Variants in CCDC57 observed in about 807,000 individuals in gnomAD.
The protein encoded by CCDC57 is coiled-coil domain-containing protein 57.
A neutral mutation model predicts 118.9 loss-of-function variants in CCDC57; 118 were observed. The observed-to-expected ratio is 0.99, with a 90% CI of 0.86 to 1.16. The LOEUF is 1.16. Ranked by LOEUF, CCDC57 falls within the 50% of genes most tolerant of loss-of-function variation. The pLI is 0.00. For missense variants in CCDC57, 1,300 were observed against 1,320.7 expected (o/e 0.98, Z 0.24); for synonymous variants, 527 against 532.9 (o/e 0.99, Z 0.15).
intron 1 of CCDC57, among the ~76,000 whole-genome samples, chr17:82,211,512 C>T (rs2050178833): frequency 6.6e-6 from 1 of 151,808 alleles, no homozygotes; most frequent in Non-Finnish European, 1.5e-5. Context: ...CACGGGAAAT[C>T]TGTGCTCCTT....
chr17:82,103,501 C>T (rs1241119882), intron 19 of CCDC57, among the ~76,000 whole-genome samples: 1 of 152,210 alleles, frequency 6.6e-6, no homozygotes, highest in Non-Finnish European at 1.5e-5. Flanking sequence ...CACTGGCTGG[C>T]AGAGGGTGGG....
intron 19 of CCDC57, chr17:82,126,867 C>A: frequency 1.0e-6 from 1 of 985,364 alleles, no homozygotes; most frequent in Non-Finnish European, 1.2e-6. Flanking sequence ...TGAGGCACAC[C>A]CTCATGACGG....
intron 7 of CCDC57, among the ~76,000 whole-genome samples, chr17:82,193,028 G>A (rs1432680748): frequency 1.3e-5 from 2 of 152,016 alleles, no homozygotes; most frequent in African/African-American, 2.4e-5. Flanking sequence ...CTGAGCCACC[G>A]CGCCCAGCCA....
chr17:82,112,268 C>T (rs2035322119), intron 19 of CCDC57: 2 of 152,372 alleles, frequency 1.3e-5, no homozygotes, highest in African/African-American at 4.8e-5. Context: ...GCCGCCATGC[C>T]AGGCCTTGGA....
intron 8 of CCDC57, 115 bp from the exon 8 acceptor site, chr17:82,184,047 A>C: frequency 1.8e-6 from 1 of 549,038 alleles, no homozygotes; most frequent in Non-Finnish European, 3.2e-6. Flanking sequence ...ACACACACAC[A>C]CACACACACA....
At chr17:82,147,621 TTG>T (rs2040956664) in intron 16 of CCDC57, among the ~76,000 whole-genome samples, 1 of 60,720 alleles carries the variant, frequency 1.6e-5, no homozygotes, top group African/African-American at 6.5e-5. Flanking sequence ...GGATGGATGA[TTG>T]GGCGGGTGGG....
chr17:82,184,582 T>C (rs2046706558), intron 8 of CCDC57, among the ~76,000 whole-genome samples: 1 of 152,262 alleles, frequency 6.6e-6, no homozygotes, highest in Admixed American at 6.5e-5. Flanking sequence ...GGCGTAGCCC[T>C]GTTTCCCTAA....
At chr17:82,101,598 C>G in exon 20 of CCDC57, 1 of 1,174,022 alleles carries the variant, frequency 8.5e-7, no homozygotes, top group Non-Finnish European at 1.2e-6. Context: ...TGTGCCCACA[C>G]CCCCCCACAA....
Position 82,171,688 on chromosome 17 carries a change from G to A in CCDC57, c.1882+13C>T. The A allele has an allele frequency of 6.2e-7, 1 of 1,607,152 alleles. No homozygotes were observed. On this transcript the variant is annotated intron_variant, in intron 13 of 19. Transcript: ENST00000665763. ...AAGGGGACAGCAAGTACCCCACTGA[G>A]ACGCGGACTTACCAGTCGTCTCTGT... is the stretch of plus-strand genomic sequence containing the variant.
chr17:82,151,426 A>G, intron 16 of CCDC57, 134 bp downstream of exon 15: 1 of 297,414 alleles, frequency 3.4e-6, no homozygotes, highest in Non-Finnish European at 4.4e-6. Context: ...CACCCCCAGA[A>G]TCTGACCCAC....
chr17:82,176,460 G>A (rs1353215522), intron 11 of CCDC57, among the ~76,000 whole-genome samples: 4 of 152,182 alleles, frequency 2.6e-5, no homozygotes, highest in Admixed American at 2.0e-4. Context: ...TCACAGCTAC[G>A]CTTGATGCAC....
At chr17:82,203,320 CAGG>C (rs760269843) in intron 2 of CCDC57, among the ~76,000 whole-genome samples, 15 of 152,164 alleles carry the variant, frequency 9.9e-5, no homozygotes, top group Non-Finnish European at 1.8e-4. Flanking sequence ...CCTGTACAGC[CAGG>C]AGAACCGTGA....
chr17:82,184,041 A>C (rs1478339938), intron 8 of CCDC57, 109 bp from the exon 8 acceptor site: 2 of 474,384 alleles, frequency 4.2e-6, no homozygotes, highest in Non-Finnish European at 7.6e-6. Context: ...GCACACACAC[A>C]CACACACACA....
intron 14 of CCDC57, among the ~76,000 whole-genome samples, chr17:82,159,781 C>T (rs2043104356): frequency 6.6e-6 from 1 of 151,730 alleles, no homozygotes; most frequent in African/African-American, 2.4e-5. Context: ...AAGCAATTGC[C>T]TTGCCTCAGC....
At chr17:82,190,483 G>C (rs1026587995) in intron 7 of CCDC57, among the ~76,000 whole-genome samples, 7 of 152,106 alleles carry the variant, frequency 4.6e-5, no homozygotes, top group Non-Finnish European at 8.8e-5. Flanking sequence ...ACCACTTGAG[G>C]ACAAGAGTTT....
rs1158337527 is a variant in CCDC57, at chr17:82,212,379, G to A, written c.-211+406C>T. Among the ~76,000 whole-genome samples, 2 of 131,722 alleles carry A rather than the reference G, an allele frequency of 1.5e-5. No individual in the cohort carries two copies. Among genetic ancestry groups the A allele is most frequent in the Non-Finnish European group, 3.2e-5 (2 of 61,924 alleles). 86.4% of individuals were successfully genotyped at this position (131,722 alleles called of 152,430 possible). Reference sequence around the variant, plus strand: ...ATTACAGGCGCGAACCACCGCCTCCGGCCTTTTTTTTTCCTCTCTTTTTTT... The same window carrying A: ...ATTACAGGCGCGAACCACCGCCTCCAGCCTTTTTTTTTCCTCTCTTTTTTT... On this transcript the variant is annotated intron_variant, in intron 1 of 19. Transcript: ENST00000665763. The surrounding 1 kb of genome is among the most constrained non-coding windows in gnomAD (Gnocchi z 4.1).
At chr17:82,188,182 G>T (rs1292963400) in intron 8 of CCDC57, 37 bp downstream of exon 7, 1 of 1,509,406 alleles carries the variant, frequency 6.6e-7, no homozygotes, top group Non-Finnish European at 8.9e-7. Context: ...GGCCGTCCCT[G>T]CCCTCACCCT....
chr17:82,142,033 A>G (rs2040081215), intron 16 of CCDC57, among the ~76,000 whole-genome samples: 1 of 151,996 alleles, frequency 6.6e-6, no homozygotes, highest in African/African-American at 2.4e-5. Context: ...CTTTTACTCC[A>G]TGTAGATTTG....
intron 19 of CCDC57, chr17:82,127,477 C>T (rs1389788777): frequency 1.2e-5 from 12 of 985,316 alleles, no homozygotes; most frequent in Non-Finnish European, 1.3e-5. Flanking sequence ...TAGGAAATGG[C>T]ATGGTTTCTG....
Sources: gnomAD v4.1 joint callset for allele counts (sites outside exome capture counted in the v4.1 genomes callset) on GRCh38, gnomAD v4.1.1 for gene constraint, Gnocchi (gnomAD v3.1) non-coding constraint, MANE v1.5 for transcripts, NCBI Gene and HGNC (gene_info 2026-07-23, HGNC 2026-07-21) for gene names.